Variants in BEND3 observed in about 807,000 individuals in gnomAD.
BEND3 encodes BEN domain containing 3, also known as BEN domain-containing protein 3.
BEND3 carries 13 observed loss-of-function variants against 60.1 expected under a neutral mutation model. The ratio of observed to expected loss-of-function variants is 0.22; its 90% CI spans 0.14 to 0.34. The LOEUF (loss-of-function observed/expected upper bound fraction) is 0.34. Among genes scored for constraint, BEND3 ranks in the 10% least tolerant of loss-of-function variants. BEND3 has a pLI of 1.00. For missense variants in BEND3, 896 were observed against 1,138.1 expected (o/e 0.79, Z 3.06); for synonymous variants, 497 against 491.5 (o/e 1.01, Z -0.15).
At position 107,070,590 on chromosome 6, in the gene BEND3, A is replaced by G; in HGVS notation, c.601T>C (p.Tyr201His). 6.2e-7 allele frequency: 1 copy of G among 1,612,612 alleles called. No homozygotes were observed. The highest frequency in any genetic ancestry group is 8.5e-7 in the Non-Finnish European group (1 of 1,180,034). ...NIYFLIQKMF[Y>H]MLNTLTSNMS... ...TTGGACGTGAGGGTGTTCAGCATGT[A>G]GAACATCTTCTGGATCAGGAAGTAG... The change falls in exon 4 of 4, where the codon TAC becomes CAC. Residue 201 changes from tyrosine to histidine, a missense_variant. By Grantham distance (83) the Tyr-to-His change is moderately conservative (BLOSUM62 2). Around this residue, in one of 4 missense-constraint regions of BEND3, gnomAD observed 846 missense variants for 1,036.7 expected, o/e 0.82. Coordinates refer to ENST00000369042, the MANE Select transcript of BEND3 (RefSeq NM_001367314.1). The surrounding 1 kb of genome is among the most constrained non-coding windows in gnomAD (Gnocchi z 6.9).
chr6:107,109,777 G>A (rs1052023984), intron 1 of BEND3, among the ~76,000 whole-genome samples: 2 of 152,054 alleles, frequency 1.3e-5, no homozygotes, highest in Admixed American at 1.3e-4. Context: ...AGGAGGCTGA[G>A]GCAGGAGAAT....
At chr6:107,091,843 C>T (rs1219433422) in intron 3 of BEND3, among the ~76,000 whole-genome samples, 2 of 151,978 alleles carry the variant, frequency 1.3e-5, no homozygotes, top group South Asian at 4.1e-4. Flanking sequence ...AAAGACATTA[C>T]AAGAAAAAAA....
intron 3 of BEND3, among the ~76,000 whole-genome samples, chr6:107,073,764 G>T (rs553588351): frequency 6.6e-6 from 1 of 152,190 alleles, no homozygotes; most frequent in Non-Finnish European, 1.5e-5. Context: ...GTGTGTGCCT[G>T]TAGTCTCAGC....
rs1310909667 is a variant in BEND3 at position 107,069,042 on chromosome 6, A to G, written c.2149T>C (p.Ser717Pro). 1.2e-6 allele frequency: 2 copies of G among 1,613,192 alleles called. No homozygotes were observed. Among genetic ancestry groups the G allele is most frequent in the African/African-American group, 2.7e-5 (2 of 74,780 alleles). ...TCCTTGTCAGACAGCAGGTAGGGAGAAGGCACCGGGAAGTCAGGCGAGGGG... is the reference window on the plus strand; with the variant it reads ...TCCTTGTCAGACAGCAGGTAGGGAGGAGGCACCGGGAAGTCAGGCGAGGGG... ...VVPSPDFPVP[S>P]PYLLSDKEVR... The change falls in exon 4 of 4, where the codon TCT becomes CCT. Residue 717 changes from serine (S) to proline (P), a missense_variant. Around this residue, in one of 4 missense-constraint regions of BEND3, gnomAD observed 846 missense variants for 1,036.7 expected, o/e 0.82. Coordinates refer to ENST00000369042, the MANE Select transcript of BEND3 (RefSeq NM_001367314.1).
At chr6:107,095,600 T>C (rs1554235853) in intron 3 of BEND3, among the ~76,000 whole-genome samples, 3 of 152,214 alleles carry the variant, frequency 2.0e-5, no homozygotes, top group Admixed American at 6.5e-5. Flanking sequence ...TGGATGTTTA[T>C]AGCAGCATTA....
rs9400092 is a variant in BEND3, at chr6:107,102,337, G to C, written c.-11-3041C>G. Among the ~76,000 whole-genome samples, 2,638 of 152,158 alleles carry C rather than the reference G, an allele frequency of 0.017. 87 individuals carry two copies. In the East Asian group the frequency reaches 0.17, roughly 10 times the overall value. Reference sequence around the variant, plus strand: ...ATTTTCTGATTTTTTATTTTTCCTTGTTTCCAGTGGGGTTGGAAGGAGGCT... The same window carrying C: ...ATTTTCTGATTTTTTATTTTTCCTTCTTTCCAGTGGGGTTGGAAGGAGGCT... On this transcript the variant is annotated intron_variant, in intron 1 of 3. Transcript: ENST00000369042.
At chr6:107,084,376 T>A (rs1443117811) in intron 3 of BEND3, among the ~76,000 whole-genome samples, 6 of 152,252 alleles carry the variant, frequency 3.9e-5, no homozygotes, top group Non-Finnish European at 8.8e-5. Context: ...CAGGTAGGGA[T>A]TTGGAGAACT....
chr6:107,115,313 G>C lies in BEND3; in HGVS notation c.-235C>G, dbSNP rs1484148832. 3 of 149,280 alleles carry C rather than the reference G, an allele frequency of 2.0e-5. No individual in the cohort carries two copies. Among genetic ancestry groups the C allele is most frequent in the Non-Finnish European group, 4.5e-5 (3 of 66,924 alleles). The allele number at this position is 149,280 out of a possible 1,614,324, so 9.2% of individuals were successfully genotyped here. ...CTCGCGTGACGTGACGGGACTCCGT[G>C]TGTCATTTCCGCACAAGGACACAGG... On this transcript the variant is annotated 5_prime_UTR_variant, in exon 1 of 4. Coordinates refer to ENST00000369042, the MANE Select transcript of BEND3 (RefSeq NM_001367314.1).
In BEND3 at chr6:107,068,869, G is replaced by A; in HGVS notation, c.2322C>T (p.Pro774=). 1 of 1,614,022 alleles carries A rather than the reference G, an allele frequency of 6.2e-7. No individual in the cohort carries two copies. The highest frequency in any genetic ancestry group is 8.5e-7 in the Non-Finnish European group (1 of 1,180,020). Residue 774 remains proline, a synonymous_variant, in exon 4 of 4, where the codon CCC becomes CCT. Transcript: ENST00000369042. The surrounding 1 kb of genome is among the most constrained non-coding windows in gnomAD (Gnocchi z 5.8). ...SGACNKKQLD[P]TRLRLIRHYV... ...AGTGGCGGATGAGCCGCAGCCGCGT[G>A]GGGTCCAGTTGCTTCTTGTTGCAAG...
chr6:107,115,227 C>G lies in BEND3; in HGVS notation c.-149G>C. The G allele has an allele frequency of 6.7e-6, 1 of 148,620 alleles. No individual in the cohort carries two copies. The highest frequency in any genetic ancestry group is 2.1e-4 in the South Asian group (1 of 4,824). The allele number at this position is 148,620 out of a possible 1,614,324, so 9.2% of individuals were successfully genotyped here. A position where few individuals can be genotyped will look rare whatever the true frequency, so the allele number is the denominator to read the frequency against. On this transcript the variant is annotated 5_prime_UTR_variant, in exon 1 of 4. Transcript: ENST00000369042. ...GGGCGGCCCGGGGAGGCGCTGGGGG[C>G]GGCGGGCGGGCGAGCGCCGTGTATT...
chr6:107,095,829 T>C (rs1775574709), intron 3 of BEND3, among the ~76,000 whole-genome samples: 1 of 152,214 alleles, frequency 6.6e-6, no homozygotes, highest in Non-Finnish European at 1.5e-5. Context: ...CTTCACGACA[T>C]TCTGGAAAAG....
intron 1 of BEND3, among the ~76,000 whole-genome samples, chr6:107,107,753 C>G (rs965767306): frequency 1.3e-5 from 2 of 152,166 alleles, no homozygotes; most frequent in South Asian, 2.1e-4. Flanking sequence ...TGAGCCATCC[C>G]GCCCAGCCTA....
chr6:107,114,752 C>G (rs1193940524), intron 1 of BEND3, among the ~76,000 whole-genome samples: 2 of 145,200 alleles, frequency 1.4e-5, no homozygotes, highest in Non-Finnish European at 3.1e-5. Flanking sequence ...GCGGCGGCGG[C>G]GCGGACGGTT....
At chr6:107,102,493 T>C (rs1035421076) in intron 1 of BEND3, among the ~76,000 whole-genome samples, 37 of 152,170 alleles carry the variant, frequency 2.4e-4, no homozygotes, top group African/African-American at 8.4e-4. Context: ...AGAGGGCTCA[T>C]GCAGCTGAGG....
chr6:107,113,339 G>C (rs1319041020), intron 1 of BEND3, among the ~76,000 whole-genome samples: 1 of 151,028 alleles, frequency 6.6e-6, no homozygotes, highest in African/African-American at 2.4e-5. Context: ...CCGTGAGGCT[G>C]AGGCAGGAAA....
Position 107,069,885 on chromosome 6 carries a change from C to A in BEND3, c.1306G>T (p.Gly436Trp), listed in dbSNP as rs782323136. 2 of 1,613,754 alleles carry A rather than the reference C, an allele frequency of 1.2e-6. No homozygotes were observed. Among genetic ancestry groups the A allele is most frequent in the Non-Finnish European group, 1.7e-6 (2 of 1,180,026 alleles). The change falls in exon 4 of 4, where the codon GGG (glycine) becomes TGG (tryptophan). Residue 436 changes from glycine (G) to tryptophan (W), a missense_variant. Gly to Trp is a radical substitution (Grantham distance 184). Coordinates refer to ENST00000369042, the MANE Select transcript of BEND3 (RefSeq NM_001367314.1). Reference protein sequence around the residue: ...RKLGEQYSCYGDGGKQELDPQ... With the variant: ...RKLGEQYSCYWDGGKQELDPQ... Reference sequence around the variant, plus strand: ...TCCAGCTCCTGCTTTCCACCGTCCCCGTAGCAGCTGTACTGTTCACCCAGC... The same window carrying A: ...TCCAGCTCCTGCTTTCCACCGTCCCAGTAGCAGCTGTACTGTTCACCCAGC...
chr6:107,073,312 C>T (rs1390056074), intron 3 of BEND3, among the ~76,000 whole-genome samples: 3 of 142,850 alleles, frequency 2.1e-5, no homozygotes, highest in African/African-American at 8.0e-5. Flanking sequence ...GGACCCCACT[C>T]CCCACCCCTC....
At chr6:107,110,141 C>T (rs1267537825) in intron 1 of BEND3, among the ~76,000 whole-genome samples, 1 of 152,138 alleles carries the variant, frequency 6.6e-6, no homozygotes, top group African/African-American at 2.4e-5. Flanking sequence ...CAAGATCAAC[C>T]TGGTCAACAC....
chr6:107,078,733 G>T (rs1433994127), intron 3 of BEND3, among the ~76,000 whole-genome samples: 2 of 150,980 alleles, frequency 1.3e-5, no homozygotes, highest in African/African-American at 4.9e-5. Context: ...CACCCCTCAT[G>T]ACGGTGGAGG....
Sources: gnomAD v4.1 joint callset for allele counts (sites outside exome capture counted in the v4.1 genomes callset) on GRCh38, gnomAD v4.1.1 for gene constraint, gnomAD v4.1.1 regional missense constraint, Gnocchi (gnomAD v3.1) non-coding constraint, MANE v1.5 for transcripts, NCBI Gene and HGNC (gene_info 2026-07-23, HGNC 2026-07-21) for gene names.